Variants in CAPRIN1 observed in about 807,000 individuals in gnomAD.
The protein encoded by CAPRIN1 is caprin-1.
In CAPRIN1, 29 loss-of-function variants were observed where a neutral mutation model predicts 100.9. That is an observed-to-expected ratio of 0.29 (90% CI 0.21 to 0.39). The LOEUF is 0.39. Ranked by LOEUF, CAPRIN1 falls within the 10% of genes least tolerant of loss-of-function variation. CAPRIN1 has a pLI of 1.00. For synonymous variants in CAPRIN1, 338 were observed against 307.5 expected, an observed-to-expected ratio of 1.10 and a Z score of -1.04; for missense variants, 795 against 876.7, an observed-to-expected ratio of 0.91 and a Z score of 1.18.
Position 34,099,421 on chromosome 11 carries a change from T to C in CAPRIN1, c.*54T>C. The C allele has an allele frequency of 1.4e-6, 2 of 1,388,742 alleles. No individual in the cohort carries two copies. The highest frequency in any genetic ancestry group is 2.0e-6 in the Non-Finnish European group (2 of 975,736). 86.0% of individuals were successfully genotyped at this position (1,388,742 alleles called of 1,614,324 possible). A position where few individuals can be genotyped will look rare whatever the true frequency, so the allele number is the denominator to read the frequency against. Reference sequence around the variant, plus strand: ...CAAAAACACACTGGCCAGTGTACCATAATATGTTACCAGAAGAGTTATTAT... The same window carrying C: ...CAAAAACACACTGGCCAGTGTACCACAATATGTTACCAGAAGAGTTATTAT... On this transcript the variant is annotated 3_prime_UTR_variant, in exon 19 of 19. Coordinates refer to ENST00000341394, the MANE Select transcript of CAPRIN1 (RefSeq NM_005898.5).
chr11:34,066,008 C>T (rs1850683386), intron 2 of CAPRIN1, among the ~76,000 whole-genome samples: 1 of 152,132 alleles, frequency 6.6e-6, no homozygotes, highest in South Asian at 2.1e-4. Flanking sequence ...TTTGATCTCA[C>T]TCTTGGTCAG....
chr11:34,053,958 A>C (rs181653756), intron 2 of CAPRIN1, among the ~76,000 whole-genome samples: 19 of 152,322 alleles, frequency 1.2e-4, no homozygotes, highest in Admixed American at 1.2e-3. Flanking sequence ...TATTTATAAC[A>C]TCTTGAATTT....
intron 2 of CAPRIN1, among the ~76,000 whole-genome samples, chr11:34,068,169 A>G (rs997264713): frequency 2.0e-5 from 3 of 152,208 alleles, no homozygotes; most frequent in Admixed American, 6.5e-5. Flanking sequence ...ATCAGAAGCA[A>G]GAGGCCTTTC....
chr11:34,067,784 C>T (rs1236169737), intron 2 of CAPRIN1, among the ~76,000 whole-genome samples: 1 of 152,200 alleles, frequency 6.6e-6, no homozygotes, highest in Non-Finnish European at 1.5e-5. Context: ...CAGGCCTGAG[C>T]AACCATGCCT....
At position 34,072,360 on chromosome 11, in the gene CAPRIN1, A is replaced by G. The variant is rs1399431103; in HGVS notation, c.366+373A>G. On this transcript the variant is annotated intron_variant, in intron 4 of 18. Coordinates refer to ENST00000341394, the MANE Select transcript of CAPRIN1 (RefSeq NM_005898.5). ...TAAATTTAAAAATTTTTTTAAAAGGACCAAGTTTGAGATTTGACAACCATG... is the reference window on the plus strand; with the variant it reads ...TAAATTTAAAAATTTTTTTAAAAGGGCCAAGTTTGAGATTTGACAACCATG... 2.0e-5 allele frequency among the ~76,000 whole-genome samples: 3 copies of G among 152,128 alleles called. No individual in the cohort carries two copies. In the East Asian group the frequency reaches 5.8e-4, roughly 29 times the overall value.
chr11:34,052,327 G>A (rs544190754), intron 1 of CAPRIN1, 94 bp from the exon 2 acceptor site: 2 of 1,045,786 alleles, frequency 1.9e-6, no homozygotes, highest in African/African-American at 3.3e-5. Flanking sequence ...ACCGCTCGCT[G>A]CGCGTTTTGT....
chr11:34,077,239 CTG>C lies in CAPRIN1; in HGVS notation c.688+601_688+602del, dbSNP rs1320713983. 5.3e-5 allele frequency among the ~76,000 whole-genome samples: 8 copies of C among 152,304 alleles called. No homozygotes were observed. The East Asian group carries it at 9.6e-4, about 18-fold the overall frequency. ...TCACATGGTCTTGTATGTAACTTAA[CTG>C]TGTTTGAGGTGGACAGATTAACATT... is the stretch of plus-strand genomic sequence containing the variant. On this transcript the variant is annotated intron_variant, in intron 6 of 18. Coordinates refer to ENST00000341394, the MANE Select transcript of CAPRIN1 (RefSeq NM_005898.5).
intron 4 of CAPRIN1, among the ~76,000 whole-genome samples, chr11:34,073,183 A>G (rs1850836396): frequency 6.6e-6 from 1 of 152,208 alleles, no homozygotes; most frequent in Non-Finnish European, 1.5e-5. Context: ...TTAAGAGATC[A>G]GATTCTAGAA....
At chr11:34,052,667 G>A (rs1348810213) in intron 2 of CAPRIN1, 31 bp downstream of exon 2, 1 of 1,571,418 alleles carries the variant, frequency 6.4e-7, no homozygotes, top group South Asian at 1.1e-5. Context: ...AGGGAGGGGT[G>A]GCTGCGGCCG....
chr11:34,090,430 T>C (rs776797375), intron 13 of CAPRIN1, 99 bp from the exon 14 acceptor site: 155 of 1,400,610 alleles, frequency 1.1e-4, no homozygotes, highest in Non-Finnish European at 1.4e-4. Flanking sequence ...TTAATACATA[T>C]AAGTTTGAGA....
At position 34,074,301 on chromosome 11, in the gene CAPRIN1, C is replaced by G. The variant is rs1289545587; in HGVS notation, c.367-1935C>G. Among the ~76,000 whole-genome samples the G allele has an allele frequency of 3.3e-5, 5 of 149,818 alleles. No individual in the cohort carries two copies. In the East Asian group the frequency reaches 9.6e-4, roughly 29 times the overall value. On this transcript the variant is annotated intron_variant, in intron 4 of 18. Transcript: ENST00000341394. ...AAAATACCTGTATCCTTTTTTGCTT[C>G]TCTTGTAACACTGGTATTTTCAGGA...
rs746713293 is a variant in CAPRIN1, at chr11:34,086,031, C to A, written c.967-33C>A. ...TAGTGAGTGGAGCTTTTTTGCTCTC[C>A]TATTCCTTCTAATCCTTTTTTTTCT... On this transcript the variant is annotated intron_variant, in intron 9 of 18. Transcript: ENST00000341394. 3.1e-6 allele frequency: 5 copies of A among 1,605,522 alleles called. No homozygotes were observed. The South Asian group carries it at 5.5e-5, about 18-fold the overall frequency.
chr11:34,070,435 C>T (rs1276945505), intron 2 of CAPRIN1, among the ~76,000 whole-genome samples: 1 of 152,180 alleles, frequency 6.6e-6, no homozygotes, highest in African/African-American at 2.4e-5. Flanking sequence ...CTCACGCTGT[C>T]GCCTAGGCTG....
intron 18 of CAPRIN1, chr11:34,098,590 TA>T: frequency 4.1e-6 from 4 of 985,114 alleles, no homozygotes; most frequent in Non-Finnish European, 4.8e-6. Flanking sequence ...ATTTGAATAC[TA>T]GTAGAAACTG....
chr11:34,072,103 A>G (rs1207387737), intron 4 of CAPRIN1, 116 bp downstream of exon 4: 1 of 631,440 alleles, frequency 1.6e-6, no homozygotes, highest in Non-Finnish European at 2.8e-6. Flanking sequence ...ATCCAATTAT[A>G]TCTAAGATGC....
intron 6 of CAPRIN1, 101 bp from the exon 7 acceptor site, chr11:34,079,527 C>A: frequency 2.2e-6 from 2 of 893,376 alleles, no homozygotes; most frequent in Non-Finnish European, 1.7e-6. Context: ...GTTTTAGTAA[C>A]AGTTATTTTT....
intron 1 of CAPRIN1, 116 bp from the exon 2 acceptor site, chr11:34,052,305 C>T: frequency 3.4e-6 from 3 of 886,202 alleles, no homozygotes; most frequent in Non-Finnish European, 5.2e-6. Context: ...CCCCCACCCG[C>T]TCGCGTAGGC....
rs1590751119 is a variant in CAPRIN1, at chr11:34,099,554, A to G, written c.*187A>G. On this transcript the variant is annotated 3_prime_UTR_variant, in exon 19 of 19. Coordinates refer to ENST00000341394, the MANE Select transcript of CAPRIN1 (RefSeq NM_005898.5). ...TATTACCTGGATATGGAAGGAAACT[A>G]TTTTTACTCTGCATGTTCTGTCCTA... The G allele has an allele frequency of 1.6e-6, 1 of 607,732 alleles. No homozygotes were observed. The highest frequency in any genetic ancestry group is 2.9e-6 in the Non-Finnish European group (1 of 339,816). 37.6% of individuals were successfully genotyped at this position (607,732 alleles called of 1,614,324 possible).
Position 34,101,455 on chromosome 11 carries a change from G to C in CAPRIN1, c.*2088G>C, listed in dbSNP as rs945035829. Among the ~76,000 whole-genome samples, 1 of 152,162 alleles carries C rather than the reference G, an allele frequency of 6.6e-6. No homozygotes were observed. The highest frequency in any genetic ancestry group is 2.4e-5 in the African/African-American group (1 of 41,444). On this transcript the variant is annotated 3_prime_UTR_variant, in exon 19 of 19. Transcript: ENST00000341394. ...GTAAGTTCTTCACACAGTGACCTCT[G>C]AATCAGTTTCAGAGAAGGGATGGGG... is the stretch of plus-strand genomic sequence containing the variant.
Sources: allele counts gnomAD v4.1 joint callset (sites outside exome capture counted in the v4.1 genomes callset), GRCh38; gene constraint gnomAD v4.1.1; transcripts MANE v1.5; gene names NCBI Gene and HGNC (gene_info 2026-07-23, HGNC 2026-07-21).